HOXD11: variants seen among roughly 807,000 people sequenced by gnomAD.
HOXD11 encodes homeobox protein Hox-D11.
In HOXD11, 16 loss-of-function variants were observed where a neutral mutation model predicts 23.1. That is an observed-to-expected ratio of 0.69 (90% CI 0.47 to 1.05). The LOEUF (loss-of-function observed/expected upper bound fraction) is 1.05. HOXD11 is among the 50% of genes least tolerant of loss of function. The pLI is 0.00. For synonymous variants in HOXD11, 262 were observed against 224.4 expected (o/e 1.17, Z -1.50); for missense variants, 564 against 495.6 (o/e 1.14, Z -1.31).
At chr2:176,115,628 C>T in the HOXD11 span, among the ~76,000 whole-genome samples, 1 of 152,152 alleles carries the variant, frequency 6.6e-6, no homozygotes, top group African/African-American at 2.4e-5. Context: ...TTATTGATCG[C>T]CCTGATTCTT....
chr2:176,111,629 C>T (rs531063321), downstream of HOXD11: 2 of 150,978 alleles, frequency 1.3e-5, no homozygotes, highest in African/African-American at 4.9e-5. Flanking sequence ...TCTTTAAAGA[C>T]AAAGCTGTTG....
At chr2:176,112,213 C>T (rs1429982920), downstream of HOXD11, among the ~76,000 whole-genome samples, 1 of 152,236 alleles carries the variant, frequency 6.6e-6, no homozygotes, top group Non-Finnish European at 1.5e-5. Flanking sequence ...TTCCAAGCTG[C>T]ACGCCGGTCT....
At chr2:176,110,313 C>T (rs1488347211), downstream of HOXD11, among the ~76,000 whole-genome samples, 2 of 152,186 alleles carry the variant, frequency 1.3e-5, no homozygotes, top group African/African-American at 2.4e-5. Flanking sequence ...TAGACAACAC[C>T]ATAAAAGCCA....
intron 1 of HOXD11, 74 bp downstream of exon 1, chr2:176,108,210 T>G: frequency 1.2e-6 from 1 of 868,444 alleles, no homozygotes; most frequent in Non-Finnish European, 1.6e-6. Context: ...GGCCTCCCTC[T>G]GCTTGCGCCT....
downstream of HOXD11, among the ~76,000 whole-genome samples, chr2:176,110,601 G>A (rs1475456811): frequency 6.6e-6 from 1 of 152,194 alleles, no homozygotes; most frequent in Admixed American, 6.5e-5. Flanking sequence ...GTGCATAAAT[G>A]TATGCCTTTG....
chr2:176,108,021 C>A lies in HOXD11; in HGVS notation c.666C>A (p.Gly222=). The A allele has an allele frequency of 6.7e-7, 1 of 1,488,346 alleles. No homozygotes were observed. The highest frequency in any genetic ancestry group is 8.9e-7 in the Non-Finnish European group (1 of 1,124,890). The allele number at this position is 1,488,346 out of a possible 1,614,324, so 92.2% of individuals were successfully genotyped here. The change falls in exon 1 of 2, where the codon GGC becomes GGA. Residue 222 remains glycine, a synonymous_variant. Coordinates refer to ENST00000249504, the MANE Select transcript of HOXD11 (RefSeq NM_021192.3). ...DPRTGAGGGG[G]SPCTKATPGS... Reference sequence around the variant, plus strand: ...GGACCGGGGCTGGTGGCGGCGGGGGCAGTCCCTGCACCAAGGCGACCCCTG... The same window carrying A: ...GGACCGGGGCTGGTGGCGGCGGGGGAAGTCCCTGCACCAAGGCGACCCCTG...
chr2:176,111,999 G>T (rs1467656930), downstream of HOXD11, among the ~76,000 whole-genome samples: 1 of 152,086 alleles, frequency 6.6e-6, no homozygotes, highest in Admixed American at 6.5e-5. Context: ...GGGAGCCCGC[G>T]GCCGTGCCTG....
At chr2:176,108,781 C>T (rs1476452474) in intron 1 of HOXD11, 126 bp from the exon 2 acceptor site, 15 of 638,850 alleles carry the variant, frequency 2.3e-5, no homozygotes, top group Admixed American at 1.2e-4. Flanking sequence ...CAGGGCCTTT[C>T]GGCCGCGGCA....
chr2:176,113,533 A>G (rs1254004517), downstream of HOXD11, among the ~76,000 whole-genome samples: 1 of 152,212 alleles, frequency 6.6e-6, no homozygotes, highest in African/African-American at 2.4e-5. Flanking sequence ...AATACTCATA[A>G]GCAAAATAAA....
At chr2:176,112,930 C>T (rs1240075258), downstream of HOXD11, among the ~76,000 whole-genome samples, 2 of 152,202 alleles carry the variant, frequency 1.3e-5, no homozygotes, top group Admixed American at 6.5e-5. Flanking sequence ...GTGTGTGGGG[C>T]TTGCGGAGAG....
rs1333130199 is a variant in HOXD11, at chr2:176,108,848, G to C, written c.782-59G>C. 6.4e-6 allele frequency: 8 copies of C among 1,240,994 alleles called. 1 individual carries two copies. Among genetic ancestry groups the C allele is most frequent in the Non-Finnish European group, 6.8e-6 (6 of 878,636 alleles). The allele number at this position is 1,240,994 out of a possible 1,614,324, so 76.9% of individuals were successfully genotyped here. ...CCTCGCTCAGTGGCCCGGGCGGGCGGGCGGGTGGGGGCTGTCAGGCAGCGG... is the reference window on the plus strand; with the variant it reads ...CCTCGCTCAGTGGCCCGGGCGGGCGCGCGGGTGGGGGCTGTCAGGCAGCGG... On this transcript the variant is annotated intron_variant, in intron 1 of 1. Transcript: ENST00000249504.
chr2:176,110,560 T>C (rs909489557), downstream of HOXD11, among the ~76,000 whole-genome samples: 1 of 152,222 alleles, frequency 6.6e-6, no homozygotes, highest in Admixed American at 6.5e-5. Flanking sequence ...TTAAAAAAAT[T>C]GCTAAGCCTT....
Position 176,108,036 on chromosome 2 carries a change from G to A in HOXD11, c.681G>A (p.Lys227=). The change falls in exon 1 of 2, where the codon AAG becomes AAA. Residue 227 remains lysine, a synonymous_variant. Coordinates refer to ENST00000249504, the MANE Select transcript of HOXD11 (RefSeq NM_021192.3). The stretch of plus-strand genomic sequence containing the variant: ...GCGGCGGGGGCAGTCCCTGCACCAA[G>A]GCGACCCCTGGCTCGGAGCCCAAGG... ...AGGGGGSPCT[K]ATPGSEPKGA... is the part of the protein sequence containing the mutation. The A allele has an allele frequency of 1.3e-6, 2 of 1,493,040 alleles. No individual in the cohort carries two copies. The highest frequency in any genetic ancestry group is 8.9e-7 in the Non-Finnish European group (1 of 1,127,244). 92.5% of individuals were successfully genotyped at this position (1,493,040 alleles called of 1,614,324 possible).
At chr2:176,111,843 A>AAAAAAAAAAAAAAAAAAAAC (rs1559115548), downstream of HOXD11, among the ~76,000 whole-genome samples, 12 of 148,094 alleles carry the variant, frequency 8.1e-5, no homozygotes, top group African/African-American at 3.1e-4. Flanking sequence ...AAAAAAAAAA[A>AAAAAAAAAAAAAAAAAAAAC]AAAAAACCTT....
rs763112140 is a variant in HOXD11, at chr2:176,108,015, C to A, written c.660C>A (p.Gly220=). The part of the protein sequence containing the change: ...KGDPRTGAGG[G]GGSPCTKATP... ...ACCCCAGGACCGGGGCTGGTGGCGG[C>A]GGGGGCAGTCCCTGCACCAAGGCGA... The change falls in exon 1 of 2, where the codon GGC becomes GGA. Residue 220 remains glycine, a synonymous_variant. Transcript: ENST00000249504. 16 of 1,487,424 alleles carry A rather than the reference C, an allele frequency of 1.1e-5. No homozygotes were observed. In the South Asian group the frequency reaches 2.0e-4, roughly 19 times the overall value. The allele number at this position is 1,487,424 out of a possible 1,614,324, so 92.1% of individuals were successfully genotyped here. A position where few individuals can be genotyped will look rare whatever the true frequency, so the allele number is the denominator to read the frequency against.
In HOXD11 at chr2:176,109,518, C is replaced by A; in HGVS notation, c.*376C>A. 1 of 271,508 alleles carries A rather than the reference C, an allele frequency of 3.7e-6. No individual in the cohort carries two copies. Among genetic ancestry groups the A allele is most frequent in the South Asian group, 1.1e-4 (1 of 9,100 alleles). The allele number at this position is 271,508 out of a possible 1,614,324, so 16.8% of individuals were successfully genotyped here. On this transcript the variant is annotated 3_prime_UTR_variant, in exon 2 of 2. Coordinates refer to ENST00000249504, the MANE Select transcript of HOXD11 (RefSeq NM_021192.3). ...TGTTTTGCTCTGAGTTTTAAGAGATCCCTTCCTTCCTCTTCGGTGAATGCA... is the reference window on the plus strand; with the variant it reads ...TGTTTTGCTCTGAGTTTTAAGAGATACCTTCCTTCCTCTTCGGTGAATGCA...
downstream of HOXD11, among the ~76,000 whole-genome samples, chr2:176,110,968 T>C (rs1689664806): frequency 6.6e-6 from 1 of 152,082 alleles, no homozygotes. Flanking sequence ...CCCCTTTGCT[T>C]TAATGAAGAA....
intron 1 of HOXD11, among the ~76,000 whole-genome samples, chr2:176,108,404 T>G (rs1191730804): frequency 8.4e-6 from 1 of 118,800 alleles, no homozygotes; most frequent in African/African-American, 3.2e-5. Flanking sequence ...CTAGATACCA[T>G]GGAGGGAGGG....
In HOXD11 at chr2:176,107,895, G is replaced by T; in HGVS notation, c.540G>T (p.Gln180His). The change falls in exon 1 of 2, where the codon CAG (glutamine) becomes CAT (histidine). Residue 180 changes from glutamine (Q) to histidine (H), a missense_variant. Gln to His is a conservative substitution (Grantham distance 24). Coordinates refer to ENST00000249504, the MANE Select transcript of HOXD11 (RefSeq NM_021192.3). ...GCATCTTGCCACAGGGCTTCGACCA[G>T]TTCTACGAGGCAGCGCCCGGGCCCC... ...RNGILPQGFD[Q>H]FYEAAPGPPF... 3.4e-5 allele frequency: 49 copies of T among 1,447,120 alleles called. No homozygotes were observed. The highest frequency in any genetic ancestry group is 4.4e-5 in the Non-Finnish European group (48 of 1,098,250). The allele number at this position is 1,447,120 out of a possible 1,614,324, so 89.6% of individuals were successfully genotyped here.
Sources: allele counts gnomAD v4.1 joint callset (sites outside exome capture counted in the v4.1 genomes callset), GRCh38; gene constraint gnomAD v4.1.1; transcripts MANE v1.5; gene names NCBI Gene and HGNC (gene_info 2026-07-23, HGNC 2026-07-21).